Variants in USP10 observed in about 807,000 individuals in gnomAD.
USP10 encodes the protein ubiquitin specific peptidase 10, also known as ubiquitin carboxyl-terminal hydrolase 10.
A neutral mutation model predicts 84.5 loss-of-function variants in USP10; 22 were observed. The ratio of observed to expected loss-of-function variants is 0.26; its 90% CI spans 0.19 to 0.37. The LOEUF is 0.37. Ranked by LOEUF, USP10 falls within the 10% of genes least tolerant of loss-of-function variation. USP10 has a pLI of 1.00. For missense variants in USP10, 1,019 were observed against 998.9 expected, an observed-to-expected ratio of 1.02 and a Z score of -0.27; for synonymous variants, 454 against 387.6, an observed-to-expected ratio of 1.17 and a Z score of -2.01.
chr16:84,738,209 A>G (rs1007261624), intron 2 of USP10, among the ~76,000 whole-genome samples: 2 of 152,210 alleles, frequency 1.3e-5, no homozygotes, highest in African/African-American at 4.8e-5. Context: ...CCCGAGCAGA[A>G]CAGAATACTG....
Position 84,764,098 on chromosome 16 carries a change from C to G in USP10, c.1667C>G (p.Ser556Cys). 1 of 1,612,874 alleles carries G rather than the reference C, an allele frequency of 6.2e-7. No homozygotes were observed. The highest frequency in any genetic ancestry group is 2.2e-5 in the East Asian group (1 of 44,842). ...LSPSNEKLTI[S>C]NGPKNHSVNE... The stretch of plus-strand genomic sequence containing the variant: ...CTCTCCTTTTCAGAACTTACGATTT[C>G]CAACGGCCCCAAAAACCACTCGGTC... The change falls in exon 10 of 14, where the codon TCC (serine) becomes TGC (cysteine). Residue 556 changes from serine to cysteine, a missense_variant. Ser to Cys is a moderately radical substitution (Grantham distance 112, BLOSUM62 -1). Around this residue, in one of 2 missense-constraint regions of USP10, gnomAD observed 787 missense variants for 708.8 expected, o/e 1.11. Coordinates refer to ENST00000219473, the MANE Select transcript of USP10 (RefSeq NM_005153.3).
intron 4 of USP10, among the ~76,000 whole-genome samples, chr16:84,757,400 G>GTGTGTGTGTGT (rs1555546460): frequency 1.3e-4 from 8 of 61,166 alleles, no homozygotes; most frequent in African/African-American, 3.6e-4. Flanking sequence ...GAGAGGGGTG[G>GTGTGTGTGTGT]GGGTGTGTGT....
At chr16:84,743,108 A>G (rs914050765) in intron 3 of USP10, among the ~76,000 whole-genome samples, 8 of 152,218 alleles carry the variant, frequency 5.3e-5, no homozygotes, top group African/African-American at 1.9e-4. Flanking sequence ...TATGGAACCA[A>G]AATGAACAGC....
In USP10 at chr16:84,770,550, A is replaced by G. The variant is rs370038448; in HGVS notation, c.1999-1991A>G. Among the ~76,000 whole-genome samples the G allele has an allele frequency of 1.4e-4, 21 of 152,280 alleles. No homozygotes were observed. In the East Asian group the frequency reaches 3.1e-3, roughly 22 times the overall value. ...CACTTTGGGAGGCCAAGGCGGGTGG[A>G]TCACGAGGTCAGGAGATCGAGACCA... On this transcript the variant is annotated intron_variant, in intron 11 of 13. Coordinates refer to ENST00000219473, the MANE Select transcript of USP10 (RefSeq NM_005153.3).
intron 2 of USP10, among the ~76,000 whole-genome samples, 165 bp from the exon 3 acceptor site, chr16:84,740,144 T>C (rs992582057): frequency 6.6e-6 from 1 of 152,262 alleles, no homozygotes; most frequent in African/African-American, 2.4e-5. Context: ...TAAATGAAGA[T>C]GATTTAGATT....
intron 12 of USP10, among the ~76,000 whole-genome samples, chr16:84,773,718 G>T (rs1914687975): frequency 6.6e-6 from 1 of 152,172 alleles, no homozygotes; most frequent in African/African-American, 2.4e-5. Flanking sequence ...GAAGAAAGAT[G>T]CCAGTGAGAA....
chr16:84,767,349 T>A lies in USP10; in HGVS notation c.1833-844T>A, dbSNP rs537099862. Reference sequence around the variant, plus strand: ...AAACTTAGAAAAAGGAAAAAAAAAATGAAATGAAAAACCAGCTAAGAAAAC... The same window carrying A: ...AAACTTAGAAAAAGGAAAAAAAAAAAGAAATGAAAAACCAGCTAAGAAAAC... On this transcript the variant is annotated intron_variant, in intron 10 of 13. Transcript: ENST00000219473. Among the ~76,000 whole-genome samples the A allele has an allele frequency of 3.3e-5, 5 of 151,452 alleles. No homozygotes were observed. In the South Asian group the frequency reaches 8.3e-4, roughly 25 times the overall value.
chr16:84,773,760 C>G (rs1914691368), intron 12 of USP10, among the ~76,000 whole-genome samples: 1 of 152,198 alleles, frequency 6.6e-6, no homozygotes. Flanking sequence ...CCATTTTATT[C>G]TATCCATCGG....
chr16:84,703,007 A>AAAAAAAAAAAAAAAAAAAAAAC (rs1418017921), intron 1 of USP10, among the ~76,000 whole-genome samples: 1 of 150,636 alleles, frequency 6.6e-6, no homozygotes, highest in African/African-American at 2.4e-5. Flanking sequence ...AAAAAAAAAA[A>AAAAAAAAAAAAAAAAAAAAAAC]AAAAAAGAGC....
chr16:84,779,291 C>T lies in USP10; in HGVS notation c.*209C>T. The T allele has an allele frequency of 4.1e-6, 2 of 482,530 alleles. No homozygotes were observed. The highest frequency in any genetic ancestry group is 7.3e-6 in the Non-Finnish European group (2 of 275,286). 29.9% of individuals were successfully genotyped at this position (482,530 alleles called of 1,614,324 possible). ...CCAAATCAAAATCATTTGGTTGAAA[C>T]AGACTGTTGCTTGATTTTAGAAAAT... On this transcript the variant is annotated 3_prime_UTR_variant, in exon 14 of 14. Transcript: ENST00000219473.
At chr16:84,718,217 TC>T (rs1907308162) in intron 1 of USP10, among the ~76,000 whole-genome samples, 1 of 152,196 alleles carries the variant, frequency 6.6e-6, no homozygotes, top group Non-Finnish European at 1.5e-5. Flanking sequence ...AAAAGAAATG[TC>T]TTTTGTTCAG....
At chr16:84,711,398 G>C (rs1567589815) in intron 1 of USP10, among the ~76,000 whole-genome samples, 1 of 152,180 alleles carries the variant, frequency 6.6e-6, no homozygotes, top group Middle Eastern at 3.2e-3. Context: ...GTGAGCATCT[G>C]ATGTCCCAGA....
At chr16:84,772,500 TAA>T in intron 11 of USP10, 39 bp from the exon 12 acceptor site, 1 of 1,609,412 alleles carries the variant, frequency 6.2e-7, no homozygotes, top group South Asian at 1.1e-5. Flanking sequence ...CTGTTGCAAG[TAA>T]GACAGGGACG....
intron 1 of USP10, among the ~76,000 whole-genome samples, chr16:84,730,215 C>T (rs1909029826): frequency 6.6e-6 from 1 of 152,092 alleles, no homozygotes; most frequent in South Asian, 2.1e-4. Context: ...TTTATGCAGA[C>T]ACAAATATCT....
chr16:84,727,338 T>C (rs571223268), intron 1 of USP10, among the ~76,000 whole-genome samples: 1 of 152,260 alleles, frequency 6.6e-6, no homozygotes, highest in Non-Finnish European at 1.5e-5. Flanking sequence ...TTTTCCCCCC[T>C]CATGTGACAG....
intron 4 of USP10, among the ~76,000 whole-genome samples, chr16:84,749,652 C>T (rs886242248): frequency 7.2e-5 from 11 of 151,968 alleles, no homozygotes; most frequent in Non-Finnish European, 8.8e-5. Context: ...GTTTCAAATA[C>T]TCACATTTCT....
At chr16:84,757,178 A>G (rs1022888337) in intron 4 of USP10, among the ~76,000 whole-genome samples, 4 of 152,194 alleles carry the variant, frequency 2.6e-5, no homozygotes, top group African/African-American at 4.8e-5. Flanking sequence ...CTTGGGGTTC[A>G]GTTCGTAACT....
intron 11 of USP10, among the ~76,000 whole-genome samples, chr16:84,770,457 C>T (rs1914312147): frequency 6.6e-6 from 1 of 152,066 alleles, no homozygotes; most frequent in Admixed American, 6.6e-5. Flanking sequence ...AAAATGTCTG[C>T]CTTTGTTGAG....
chr16:84,710,761 C>A (rs932805877), intron 1 of USP10, among the ~76,000 whole-genome samples: 2 of 152,040 alleles, frequency 1.3e-5, no homozygotes, highest in African/African-American at 4.8e-5. Flanking sequence ...CTTCTAATAC[C>A]AGAATCACCT....
Sources: gnomAD v4.1 joint callset for allele counts (sites outside exome capture counted in the v4.1 genomes callset) on GRCh38, gnomAD v4.1.1 for gene constraint, gnomAD v4.1.1 regional missense constraint, MANE v1.5 for transcripts, NCBI Gene and HGNC (gene_info 2026-07-23, HGNC 2026-07-21) for gene names.